The following PROS1 variants were observed in gnomAD, a reference collection of about 807,000 sequenced individuals.
The protein encoded by PROS1 is protein S.
In PROS1, 29 loss-of-function variants were observed where a neutral mutation model predicts 75.9. That is an observed-to-expected ratio of 0.38 (90% confidence interval 0.28 to 0.52). The LOEUF is 0.52. Ranked by LOEUF, PROS1 falls within the 20% of genes least tolerant of loss-of-function variation. The pLI is 0.83. For missense variants in PROS1, 680 were observed against 810.3 expected (o/e 0.84, Z 1.95); for synonymous variants, 245 against 280.6 (o/e 0.87, Z 1.27).
At chr3:93,955,250 C>A (rs1373377840) in intron 1 of PROS1, among the ~76,000 whole-genome samples, 3 of 152,178 alleles carry the variant, frequency 2.0e-5, no homozygotes, top group Admixed American at 6.6e-5. Context: ...GATTATAAAT[C>A]ATGCTGCTAT....
intron 12 of PROS1, 84 bp downstream of exon 12, chr3:93,884,644 G>A (rs1708320579): frequency 7.0e-7 from 1 of 1,424,002 alleles, no homozygotes; most frequent in Admixed American, 1.7e-5. Flanking sequence ...ACTCAATAAT[G>A]TTTCACAAAT....
chr3:93,915,571 C>T (rs1244019611), intron 3 of PROS1, among the ~76,000 whole-genome samples: 2 of 152,178 alleles, frequency 1.3e-5, no homozygotes, highest in East Asian at 3.8e-4. Flanking sequence ...TTCAGCCTTC[C>T]CTACAGCCCT....
At chr3:93,967,006 G>A (rs551940852) in intron 1 of PROS1, among the ~76,000 whole-genome samples, 4 of 152,132 alleles carry the variant, frequency 2.6e-5, no homozygotes, top group Non-Finnish European at 5.9e-5. Context: ...GGCCACATAT[G>A]GCTTTCGGGT....
chr3:93,917,364 ATCT>A (rs1708872541), intron 3 of PROS1, among the ~76,000 whole-genome samples: 1 of 152,068 alleles, frequency 6.6e-6, no homozygotes, highest in African/African-American at 2.4e-5. Flanking sequence ...CAGTGGCACG[ATCT>A]TGGCTCACCG....
At chr3:93,943,708 G>C (rs1055993065) in intron 1 of PROS1, among the ~76,000 whole-genome samples, 4 of 152,146 alleles carry the variant, frequency 2.6e-5, no homozygotes, top group African/African-American at 2.4e-5. Context: ...CCCAAGCTAA[G>C]CCATCATATC....
At chr3:93,881,826 T>C (rs1408428019) in intron 12 of PROS1, among the ~76,000 whole-genome samples, 1 of 152,110 alleles carries the variant, frequency 6.6e-6, no homozygotes. Flanking sequence ...CTCAGCCTCC[T>C]AAAGTGCTGG....
chr3:93,936,603 C>T (rs1230462895), intron 1 of PROS1, among the ~76,000 whole-genome samples: 1 of 152,084 alleles, frequency 6.6e-6, no homozygotes, highest in Admixed American at 6.6e-5. Context: ...AGGAAAAAAG[C>T]CTGCACCAGA....
At chr3:93,900,993 C>A (rs1708585651) in intron 6 of PROS1, 64 bp from the exon 7 acceptor site, 22 of 1,557,906 alleles carry the variant, frequency 1.4e-5, no homozygotes, top group Admixed American at 1.8e-5. Context: ...ACCAAAGAAC[C>A]CTTGATTTGT....
At chr3:93,880,441 G>T (rs1353349931) in intron 12 of PROS1, among the ~76,000 whole-genome samples, 1 of 152,104 alleles carries the variant, frequency 6.6e-6, no homozygotes, top group African/African-American at 2.4e-5. Context: ...AGGAGGCAGA[G>T]GTTGCAGTGA....
intron 1 of PROS1, among the ~76,000 whole-genome samples, chr3:93,935,475 G>A (rs923880498): frequency 6.6e-6 from 1 of 152,038 alleles, no homozygotes; most frequent in African/African-American, 2.4e-5. Context: ...TGTGGCCTGG[G>A]TCTGTACTTA....
chr3:93,913,028 C>T (rs1273221157), intron 3 of PROS1, among the ~76,000 whole-genome samples: 1 of 152,224 alleles, frequency 6.6e-6, no homozygotes, highest in Non-Finnish European at 1.5e-5. Flanking sequence ...CGAAAAATCT[C>T]ATCTTGAATT....
chr3:93,942,241 C>T (rs1253551968), intron 1 of PROS1, among the ~76,000 whole-genome samples: 1 of 152,240 alleles, frequency 6.6e-6, no homozygotes, highest in East Asian at 1.9e-4. Context: ...AACTCATTGC[C>T]TTAACTAGAG....
chr3:93,891,779 G>A (rs1266084221), intron 10 of PROS1, among the ~76,000 whole-genome samples: 1 of 152,056 alleles, frequency 6.6e-6, no homozygotes, highest in East Asian at 1.9e-4. Context: ...TGACAACTAG[G>A]TCCGGTACAA....
chr3:93,911,851 A>C (rs1474740591), intron 3 of PROS1, among the ~76,000 whole-genome samples: 1 of 152,176 alleles, frequency 6.6e-6, no homozygotes, highest in Non-Finnish European at 1.5e-5. Flanking sequence ...ACCCAGATTC[A>C]AAGGGTAGGG....
intron 1 of PROS1, among the ~76,000 whole-genome samples, chr3:93,934,215 AAAT>A (rs1158292269): frequency 1.3e-5 from 2 of 151,958 alleles, no homozygotes; most frequent in African/African-American, 2.4e-5. Flanking sequence ...AATGGTAAAA[AAAT>A]AATAATAATA....
At chr3:93,876,528 G>T (rs535448693) in intron 14 of PROS1, among the ~76,000 whole-genome samples, 1 of 137,606 alleles carries the variant, frequency 7.3e-6, no homozygotes, top group South Asian at 2.3e-4. Flanking sequence ...GGCGGAGCTT[G>T]CAGTGAGCCG....
At chr3:93,963,759 T>A (rs1405562849) in intron 1 of PROS1, among the ~76,000 whole-genome samples, 3 of 152,110 alleles carry the variant, frequency 2.0e-5, no homozygotes, top group Non-Finnish European at 2.9e-5. Context: ...GTGAATCTCA[T>A]ATGAGAAGTC....
intron 1 of PROS1, among the ~76,000 whole-genome samples, chr3:93,933,524 C>T (rs930643600): frequency 3.1e-4 from 47 of 150,762 alleles, no homozygotes; most frequent in Non-Finnish European, 4.6e-4. Flanking sequence ...CAGGGAGCCC[C>T]GAATGTGTCA....
intron 4 of PROS1, among the ~76,000 whole-genome samples, chr3:93,907,222 C>T (rs1402985455): frequency 6.6e-6 from 1 of 152,200 alleles, no homozygotes; most frequent in Admixed American, 6.5e-5. Flanking sequence ...CTCTGAAGAC[C>T]ATAAAAACCC....
Sources: allele counts gnomAD v4.1 joint callset (sites outside exome capture counted in the v4.1 genomes callset), GRCh38; gene constraint gnomAD v4.1.1; transcripts MANE v1.5; gene names NCBI Gene and HGNC (gene_info 2026-07-23, HGNC 2026-07-21).